KLF12: variants seen among roughly 807,000 people sequenced by gnomAD.
KLF12 encodes KLF transcription factor 12, also known as Krueppel-like factor 12.
A neutral mutation model predicts 37.8 loss-of-function variants in KLF12; 9 were observed. The observed-to-expected ratio is 0.24, with a 90% confidence interval of 0.14 to 0.42. The LOEUF (loss-of-function observed/expected upper bound fraction) is 0.42. Ranked by LOEUF, KLF12 falls within the 10% of genes least tolerant of loss-of-function variation. The probability of loss-of-function intolerance (pLI) is 1.00; values close to 1 mark genes in which losing one functional copy is unlikely to be tolerated. For missense variants in KLF12, 411 were observed against 516.0 expected (o/e 0.80, Z 1.97); for synonymous variants, 208 against 202.1 (o/e 1.03, Z -0.25).
intron 3 of KLF12, among the ~76,000 whole-genome samples, chr13:73,939,912 G>A (rs189717516): frequency 1.3e-5 from 2 of 152,084 alleles, no homozygotes; most frequent in Non-Finnish European, 2.9e-5. Context: ...CTCACCCCTT[G>A]CTCCTCACCA....
chr13:73,746,007 T>C (rs1338549616), intron 6 of KLF12, among the ~76,000 whole-genome samples: 1 of 151,874 alleles, frequency 6.6e-6, no homozygotes, highest in Non-Finnish European at 1.5e-5. Flanking sequence ...GAAATCAGCA[T>C]TCTAATGACA....
intron 2 of KLF12, among the ~76,000 whole-genome samples, chr13:73,955,348 G>A (rs1890798778): frequency 2.0e-5 from 3 of 152,056 alleles, no homozygotes; most frequent in Non-Finnish European, 4.4e-5. Context: ...AAACAGAAAT[G>A]TTAAGAGTTG....
At chr13:73,962,446 C>T (rs530577162) in intron 2 of KLF12, among the ~76,000 whole-genome samples, 31 of 152,286 alleles carry the variant, frequency 2.0e-4, no homozygotes, top group African/African-American at 7.0e-4. Flanking sequence ...ACAGAATGTA[C>T]ACAAAGAGTA....
Position 73,825,163 on chromosome 13 carries a change from C to A in KLF12, c.671-11876G>T. Among the ~76,000 whole-genome samples the A allele has an allele frequency of 2.6e-5, 4 of 152,132 alleles. 1 individual carries two copies. The Middle Eastern group carries it at 0.01, about 388-fold the overall frequency. On this transcript the variant is annotated intron_variant, in intron 4 of 7. Transcript: ENST00000377669. ...GTAACAGTGCCCCCCTTCTCCTGCCCCTGTTATGATAAATTGGCTAGTCTC... is the reference window on the plus strand; with the variant it reads ...GTAACAGTGCCCCCCTTCTCCTGCCACTGTTATGATAAATTGGCTAGTCTC...
chr13:73,904,368 T>C (rs1008666405), intron 3 of KLF12, among the ~76,000 whole-genome samples: 4 of 152,238 alleles, frequency 2.6e-5, no homozygotes, highest in African/African-American at 9.6e-5. Context: ...TAATCTATCG[T>C]AAATGCAATT....
At chr13:73,918,081 C>G (rs769972473) in intron 3 of KLF12, among the ~76,000 whole-genome samples, 2 of 151,480 alleles carry the variant, frequency 1.3e-5, no homozygotes, top group Admixed American at 1.3e-4. Context: ...CCAACATCTA[C>G]ACACACACAC....
At chr13:73,829,040 C>T (rs1460365703) in intron 4 of KLF12, among the ~76,000 whole-genome samples, 1 of 152,164 alleles carries the variant, frequency 6.6e-6, no homozygotes, top group East Asian at 1.9e-4. Flanking sequence ...TACTGCCCCT[C>T]TTCCTTTGCA....
rs553514194 is a variant in KLF12, at chr13:74,099,165, T to C, written c.-32+34574A>G. Among the ~76,000 whole-genome samples, 5 of 152,196 alleles carry C rather than the reference T, an allele frequency of 3.3e-5. No homozygotes were observed. In the East Asian group the frequency reaches 7.7e-4, roughly 24 times the overall value. ...TAGTTCAAGACCAGTCTGGGCAACATAGTGAGACCTCAAAGAATAAAAAAT... is the reference window on the plus strand; with the variant it reads ...TAGTTCAAGACCAGTCTGGGCAACACAGTGAGACCTCAAAGAATAAAAAAT... On this transcript the variant is annotated intron_variant, in intron 1 of 7. Coordinates refer to ENST00000377669, the MANE Select transcript of KLF12 (RefSeq NM_007249.5).
At chr13:73,891,745 T>C (rs1052766950) in intron 3 of KLF12, among the ~76,000 whole-genome samples, 44 of 152,152 alleles carry the variant, frequency 2.9e-4, no homozygotes, top group African/African-American at 1.0e-3. Flanking sequence ...GTGCTGCATA[T>C]GCAGATGACA....
rs1873731529 is a variant in KLF12 at position 73,690,069 on chromosome 13, T to A, written c.*5421A>T. The A allele has an allele frequency of 6.6e-6, 1 of 152,520 alleles. No individual in the cohort carries two copies. The highest frequency in any genetic ancestry group is 2.4e-5 in the African/African-American group (1 of 41,424). The allele number at this position is 152,520 out of a possible 1,614,324, so 9.4% of individuals were successfully genotyped here. A position where few individuals can be genotyped will look rare whatever the true frequency, so the allele number is the denominator to read the frequency against. On this transcript the variant is annotated 3_prime_UTR_variant, in exon 8 of 8. Transcript: ENST00000377669. Reference sequence around the variant, plus strand: ...GGTATATTTGAAAGCTATAAAAGCGTTTTTTGTGGGCATGTGAACAGATTT... The same window carrying A: ...GGTATATTTGAAAGCTATAAAAGCGATTTTTGTGGGCATGTGAACAGATTT...
intron 3 of KLF12, among the ~76,000 whole-genome samples, chr13:73,907,895 C>G (rs1429184894): frequency 6.6e-6 from 1 of 152,196 alleles, no homozygotes; most frequent in Non-Finnish European, 1.5e-5. Context: ...TCATCTCCCA[C>G]ATCTCTTCCC....
chr13:73,766,223 C>T (rs920086525), intron 5 of KLF12, among the ~76,000 whole-genome samples: 7 of 152,136 alleles, frequency 4.6e-5, no homozygotes, highest in Non-Finnish European at 1.0e-4. Flanking sequence ...GGCCAGACAG[C>T]CCCTCTGGTG....
At chr13:73,776,062 A>G (rs895321972) in intron 5 of KLF12, among the ~76,000 whole-genome samples, 10 of 152,262 alleles carry the variant, frequency 6.6e-5, no homozygotes, top group African/African-American at 9.6e-5. Flanking sequence ...TTCACTTCCA[A>G]TAAAATTTCA....
At chr13:74,003,174 G>C (rs1417876772) in intron 1 of KLF12, among the ~76,000 whole-genome samples, 1 of 152,198 alleles carries the variant, frequency 6.6e-6, no homozygotes, top group Non-Finnish European at 1.5e-5. Context: ...GAGCTCTGGT[G>C]AAAGAACGGA....
intron 1 of KLF12, among the ~76,000 whole-genome samples, chr13:74,121,188 G>GA (rs1257470600): frequency 6.6e-6 from 1 of 151,960 alleles, no homozygotes; most frequent in Non-Finnish European, 1.5e-5. Flanking sequence ...GAGAATTACA[G>GA]AAATTCACAA....
At chr13:73,737,253 G>C (rs1877528237) in intron 6 of KLF12, among the ~76,000 whole-genome samples, 1 of 152,106 alleles carries the variant, frequency 6.6e-6, no homozygotes, top group African/African-American at 2.4e-5. Context: ...CCTTTCTTCA[G>C]CTACAACTGT....
At position 73,694,211 on chromosome 13, in the gene KLF12, C is replaced by T. The variant is rs1873979641; in HGVS notation, c.*1279G>A. The T allele has an allele frequency of 2.0e-5, 3 of 152,690 alleles. No individual in the cohort carries two copies. In the South Asian group the frequency reaches 6.2e-4, roughly 32 times the overall value. 9.5% of individuals were successfully genotyped at this position (152,690 alleles called of 1,614,324 possible). ...CTGATTCAGTTCCAAGGAGAACTGA[C>T]CCATTAACCGAAGAGTTAATTCCCG... On this transcript the variant is annotated 3_prime_UTR_variant, in exon 8 of 8. Transcript: ENST00000377669.
At chr13:73,953,403 G>A (rs973707184) in intron 2 of KLF12, among the ~76,000 whole-genome samples, 1 of 151,908 alleles carries the variant, frequency 6.6e-6, no homozygotes, top group Non-Finnish European at 1.5e-5. Context: ...CAAACTCATG[G>A]TTATCAAAAC....
At chr13:73,885,299 A>G (rs1038622893) in intron 3 of KLF12, among the ~76,000 whole-genome samples, 2 of 152,228 alleles carry the variant, frequency 1.3e-5, no homozygotes, top group Admixed American at 1.3e-4. Context: ...AGACAAAACT[A>G]AGGGGCTAAT....
Sources: gnomAD v4.1 joint callset for allele counts (sites outside exome capture counted in the v4.1 genomes callset) on GRCh38, gnomAD v4.1.1 for gene constraint, MANE v1.5 for transcripts, NCBI Gene and HGNC (gene_info 2026-07-23, HGNC 2026-07-21) for gene names.